Variants in WDPCP observed in about 807,000 individuals in gnomAD.
The protein encoded by WDPCP is WD repeat-containing and planar cell polarity effector protein fritz homolog.
In WDPCP, 71 loss-of-function variants were observed where a neutral mutation model predicts 93.1. That is an observed-to-expected ratio of 0.76 (90% CI 0.63 to 0.93). The LOEUF (loss-of-function observed/expected upper bound fraction) is 0.93, where lower values mean the gene tolerates loss of function less well. Among genes scored for constraint, WDPCP ranks in the 40% least tolerant of loss-of-function variants. WDPCP has a pLI of 0.00. For synonymous variants in WDPCP, 315 were observed against 315.0 expected (o/e 1.00, Z 0.00); for missense variants, 844 against 887.4 (o/e 0.95, Z 0.62).
upstream of WDPCP, chr2:63,588,954 G>A (rs189338294): frequency 2.5e-6 from 4 of 1,583,486 alleles, no homozygotes; most frequent in East Asian, 2.2e-5. Context: ...AACACCGCTC[G>A]CCCTCTCCGA....
Position 63,153,702 on chromosome 2 carries a change from A to T in WDPCP, c.2079-128T>A, listed in dbSNP as rs1026715664. The T allele has an allele frequency of 2.1e-4, 118 of 572,692 alleles. No individual in the cohort carries two copies. The African/African-American group carries it at 2.1e-3, about 10-fold the overall frequency. The allele number at this position is 572,692 out of a possible 1,614,324, so 35.5% of individuals were successfully genotyped here. A position where few individuals can be genotyped will look rare whatever the true frequency, so the allele number is the denominator to read the frequency against. ...TCTGGGTTAAAAAATGTAATTAAAA[A>T]ATTTCTTTGGAAACTTTCAACAATA... On this transcript the variant is annotated intron_variant, in intron 15 of 17. Coordinates refer to ENST00000272321, the MANE Select transcript of WDPCP (RefSeq NM_015910.7).
intron 6 of WDPCP, among the ~76,000 whole-genome samples, chr2:63,447,438 A>T (rs1376391843): frequency 1.3e-5 from 2 of 152,174 alleles, no homozygotes; most frequent in African/African-American, 4.8e-5. Context: ...TCTGGCCACA[A>T]ATATACTTCT....
At chr2:63,601,809 T>C (rs1018261442) in intron 3 of WDPCP, among the ~76,000 whole-genome samples, 3 of 152,258 alleles carry the variant, frequency 2.0e-5, no homozygotes, top group African/African-American at 7.2e-5. Context: ...AGGGAAGTTA[T>C]AGGCTCTAAC....
upstream of WDPCP, chr2:63,588,998 G>T: frequency 6.2e-7 from 1 of 1,614,172 alleles, no homozygotes; most frequent in African/African-American, 1.3e-5. Flanking sequence ...CTGACTCTCT[G>T]AGGCTCATTT....
intron 12 of WDPCP, among the ~76,000 whole-genome samples, chr2:63,316,610 G>C (rs184839746): frequency 6.6e-6 from 1 of 151,816 alleles, no homozygotes. Context: ...CTGAGATTGT[G>C]CCACTGCATT....
chr2:63,425,047 C>T (rs1284049478), intron 9 of WDPCP, among the ~76,000 whole-genome samples: 2 of 152,042 alleles, frequency 1.3e-5, no homozygotes, highest in East Asian at 3.9e-4. Flanking sequence ...AATTACAACA[C>T]AAAAAATACT....
chr2:63,838,044 G>A, the WDPCP span, among the ~76,000 whole-genome samples: 6 of 152,008 alleles, frequency 3.9e-5, 1 homozygote, highest in Admixed American at 2.6e-4. Context: ...GCATTGAGCC[G>A]AGATCGCACC....
chr2:63,150,055 G>A (rs1671786658), intron 17 of WDPCP, among the ~76,000 whole-genome samples: 1 of 152,034 alleles, frequency 6.6e-6, no homozygotes, highest in Admixed American at 6.6e-5. Context: ...AAACCATAAA[G>A]ACAAGCAAAG....
chr2:63,752,354 G>T, intron 2 of WDPCP: 1 of 785,974 alleles, frequency 1.3e-6, no homozygotes. Flanking sequence ...TGGTCTTTGA[G>T]AACCTTCTCT....
In WDPCP at chr2:63,199,042, G is replaced by T. The variant is rs182532572; in HGVS notation, c.1916-24210C>A. 2.4e-3 allele frequency among the ~76,000 whole-genome samples: 373 copies of T among 152,308 alleles called. 1 individual carries two copies. Among genetic ancestry groups the T allele is most frequent in the Non-Finnish European group, 2.6e-3 (174 of 68,024 alleles). ...GACAGCATTGTGCCCCTGCTCTGGGGATCTGTGGAACTTTCAACTTGAGAG... is the reference window on the plus strand; with the variant it reads ...GACAGCATTGTGCCCCTGCTCTGGGTATCTGTGGAACTTTCAACTTGAGAG... On this transcript the variant is annotated intron_variant, in intron 14 of 17. Transcript: ENST00000272321.
intron 1 of WDPCP, among the ~76,000 whole-genome samples, chr2:63,550,883 T>C (rs1445156217): frequency 1.3e-5 from 2 of 152,020 alleles, no homozygotes; most frequent in Non-Finnish European, 2.9e-5. Flanking sequence ...TAACGTTACT[T>C]ACCAAGGACT....
intron 2 of WDPCP, among the ~76,000 whole-genome samples, chr2:63,806,596 T>G (rs575880831): frequency 4.2e-4 from 64 of 152,254 alleles, no homozygotes; most frequent in African/African-American, 1.5e-3. Flanking sequence ...CTAATAAGCC[T>G]GGGAGCGCTA....
At chr2:63,400,079 T>C (rs111692433) in intron 10 of WDPCP, among the ~76,000 whole-genome samples, 1 of 152,214 alleles carries the variant, frequency 6.6e-6, no homozygotes, top group African/African-American at 2.4e-5. Flanking sequence ...TATTTACCTA[T>C]GTTTTCAAAT....
rs77759667 is a variant in WDPCP at position 63,588,143 on chromosome 2, C to T, written c.75+54G>A. The T allele has an allele frequency of 2.4e-3, 3,782 of 1,543,918 alleles. 43 individuals carry two copies. The African/African-American group carries it at 0.032, about 13-fold the overall frequency. ...GCAAAGCGGGACGGCGCACCAACCG[C>T]ATTCCGGATCCTAAGGTTAAAAGAA... On this transcript the variant is annotated intron_variant, in intron 1 of 17. Transcript: ENST00000272321.
At chr2:63,380,337 G>C (rs78008791) in intron 11 of WDPCP, among the ~76,000 whole-genome samples, 2,130 of 151,872 alleles carry the variant, frequency 0.014, 46 homozygotes, top group African/African-American at 0.05. Context: ...GTAGTACCTT[G>C]TACCCTAAAA....
chr2:63,206,886 A>T (rs1397192839), intron 14 of WDPCP, among the ~76,000 whole-genome samples: 1 of 152,208 alleles, frequency 6.6e-6, no homozygotes, highest in African/African-American at 2.4e-5. Context: ...TTAAGTGAAT[A>T]CTTCAGTAGT....
intron 6 of WDPCP, among the ~76,000 whole-genome samples, chr2:63,445,536 C>T (rs1013294619): frequency 2.0e-5 from 3 of 152,056 alleles, no homozygotes; most frequent in African/African-American, 7.2e-5. Context: ...AGTGATCATT[C>T]CTAGAAAGTA....
chr2:63,158,275 A>G (rs908919051), intron 15 of WDPCP, among the ~76,000 whole-genome samples: 1 of 152,132 alleles, frequency 6.6e-6, no homozygotes, highest in Non-Finnish European at 1.5e-5. Flanking sequence ...TTCTGGGTGG[A>G]ATGATTTTCT....
At chr2:63,628,717 A>T (rs1709835187) in intron 3 of WDPCP, among the ~76,000 whole-genome samples, 1 of 152,208 alleles carries the variant, frequency 6.6e-6, no homozygotes, top group Non-Finnish European at 1.5e-5. Flanking sequence ...GTTGGTAATA[A>T]TGTCCTTTAC....
Sources: allele counts gnomAD v4.1 joint callset (sites outside exome capture counted in the v4.1 genomes callset), GRCh38; gene constraint gnomAD v4.1.1; transcripts MANE v1.5; gene names NCBI Gene and HGNC (gene_info 2026-07-23, HGNC 2026-07-21).